The following EVX2 variants were observed in gnomAD, a reference collection of about 807,000 sequenced individuals.
EVX2 encodes even-skipped homeobox 2, also known as homeobox even-skipped homolog protein 2.
Under a neutral mutation model 19.2 loss-of-function variants are expected in EVX2, and 10 were observed. The observed-to-expected ratio is 0.52, with a 90% confidence interval of 0.32 to 0.89. The LOEUF is 0.89. Ranked by LOEUF, EVX2 falls within the 40% of genes least tolerant of loss-of-function variation. The probability of loss-of-function intolerance (pLI) is 0.03; values close to 1 mark genes in which losing one functional copy is unlikely to be tolerated. For missense variants in EVX2, 710 were observed against 694.9 expected (o/e 1.02, Z -0.24); for synonymous variants, 354 against 328.4 (o/e 1.08, Z -0.84).
chr2:176,080,857 C>T lies in EVX2; in HGVS notation c.700-19G>A, dbSNP rs1283877458. ...ACCACACCTGCGGGGAGAGACGCGC[C>T]GCAGCCTGGGTTAGGGAGCGCCCCG... On this transcript the variant is annotated intron_variant, in intron 2 of 2. Transcript: ENST00000308618. The surrounding 1 kb of genome is among the most constrained non-coding windows in gnomAD (Gnocchi z 7.0). 1.9e-6 allele frequency: 3 copies of T among 1,601,152 alleles called. No individual in the cohort carries two copies. The highest frequency in any genetic ancestry group is 4.5e-5 in the East Asian group (2 of 44,738).
rs1689106480 is a variant in EVX2 at position 176,080,046 on chromosome 2, A to C, written c.*61T>G. The C allele has an allele frequency of 6.9e-7, 1 of 1,453,430 alleles. No homozygotes were observed. The highest frequency in any genetic ancestry group is 9.1e-7 in the Non-Finnish European group (1 of 1,100,316). 90.0% of individuals were successfully genotyped at this position (1,453,430 alleles called of 1,614,324 possible). A position where few individuals can be genotyped will look rare whatever the true frequency, so the allele number is the denominator to read the frequency against. The stretch of plus-strand genomic sequence containing the variant: ...AACGCGCGGAGGGCTCAGGGGGCGC[A>C]CAGGGGACTCCCGGGCACACTCAGA... On this transcript the variant is annotated 3_prime_UTR_variant, in exon 3 of 3. Coordinates refer to ENST00000308618, the MANE Select transcript of EVX2 (RefSeq NM_001080458.2). The surrounding 1 kb of genome is among the most constrained non-coding windows in gnomAD (Gnocchi z 7.0).
At position 176,081,149 on chromosome 2, in the gene EVX2, C is replaced by T. The variant is rs1689142823; in HGVS notation, c.700-311G>A. ...CCAATCCAACCTTTCCTCTCCCTCCCGCCACCCACCAGTGCCGGTCTCGCT... is the reference window on the plus strand; with the variant it reads ...CCAATCCAACCTTTCCTCTCCCTCCTGCCACCCACCAGTGCCGGTCTCGCT... On this transcript the variant is annotated intron_variant, in intron 2 of 2. Transcript: ENST00000308618. The surrounding 1 kb of genome is among the most constrained non-coding windows in gnomAD (Gnocchi z 5.9). Among the ~76,000 whole-genome samples, 1 of 152,164 alleles carries T rather than the reference C, an allele frequency of 6.6e-6. No individual in the cohort carries two copies. Among genetic ancestry groups the T allele is most frequent in the South Asian group, 2.1e-4 (1 of 4,830 alleles).
At position 176,083,962 on chromosome 2, in the gene EVX2, T is replaced by G. The variant is rs1227193724; in HGVS notation, c.-186A>C. On this transcript the variant is annotated 5_prime_UTR_variant, in exon 1 of 3. Coordinates refer to ENST00000308618, the MANE Select transcript of EVX2 (RefSeq NM_001080458.2). This position sits in a 1 kb window ranked among gnomAD's most constrained non-coding sequence, Gnocchi z 4.4. ...ACTGGTCAAAATGACCCATACATCC[T>G]TCCGATCCCGAGATGTCATTCATCA... 1.7e-6 allele frequency: 1 copy of G among 592,720 alleles called. No individual in the cohort carries two copies. Among genetic ancestry groups the G allele is most frequent in the African/African-American group, 1.9e-5 (1 of 53,864 alleles). 36.7% of individuals were successfully genotyped at this position (592,720 alleles called of 1,614,324 possible). A position where few individuals can be genotyped will look rare whatever the true frequency, so the allele number is the denominator to read the frequency against.
At position 176,083,582 on chromosome 2, in the gene EVX2, G is replaced by A; in HGVS notation, c.195C>T (p.Leu65=). The change falls in exon 1 of 3, where the codon CTC becomes CTT. Residue 65 remains leucine (L), a synonymous_variant. Coordinates refer to ENST00000308618, the MANE Select transcript of EVX2 (RefSeq NM_001080458.2). This position sits in a 1 kb window ranked among gnomAD's most constrained non-coding sequence, Gnocchi z 4.4. ...SAPLHSALGE[L]PAKGKFEIDT... ...CTATTTCGAATTTGCCCTTGGCGGG[G>A]AGTTCTCCCAGAGCGCTGTGCAGGG... 3.1e-6 allele frequency: 5 copies of A among 1,614,208 alleles called. No homozygotes were observed. Among genetic ancestry groups the A allele is most frequent in the Non-Finnish European group, 4.2e-6 (5 of 1,180,044 alleles).
At position 176,082,842 on chromosome 2, in the gene EVX2, C is replaced by G. The variant is rs1360889694; in HGVS notation, c.428-393G>C. Among the ~76,000 whole-genome samples the G allele has an allele frequency of 6.6e-6, 1 of 152,112 alleles. No homozygotes were observed. The highest frequency in any genetic ancestry group is 1.9e-4 in the East Asian group (1 of 5,174). ...GGGGTTTCAAATATTTTAAGAGTTC[C>G]AACACAGCAGTAGCTCAAACCCAAG... On this transcript the variant is annotated intron_variant, in intron 1 of 2. Transcript: ENST00000308618. The surrounding 1 kb of genome is among the most constrained non-coding windows in gnomAD (Gnocchi z 5.2).
In EVX2 at chr2:176,079,579, A is replaced by G. The variant is rs1343762281; in HGVS notation, c.*528T>C. 6.6e-6 allele frequency: 1 copy of G among 152,660 alleles called. No individual in the cohort carries two copies. The highest frequency in any genetic ancestry group is 6.5e-5 in the Admixed American group (1 of 15,290). 9.5% of individuals were successfully genotyped at this position (152,660 alleles called of 1,614,324 possible). On this transcript the variant is annotated 3_prime_UTR_variant, in exon 3 of 3. Transcript: ENST00000308618. This position sits in a 1 kb window ranked among gnomAD's most constrained non-coding sequence, Gnocchi z 4.4. ...TCCCTAATAAGCTCAGGCTGAAAGAACGTTTGCCACCTCCCCCACCCTCGT... is the reference window on the plus strand; with the variant it reads ...TCCCTAATAAGCTCAGGCTGAAAGAGCGTTTGCCACCTCCCCCACCCTCGT...
chr2:176,079,937 G>T lies in EVX2; in HGVS notation c.*170C>A. The T allele has an allele frequency of 1.6e-6, 1 of 631,278 alleles. No homozygotes were observed. The highest frequency in any genetic ancestry group is 3.9e-5 in the South Asian group (1 of 25,438). The allele number at this position is 631,278 out of a possible 1,614,324, so 39.1% of individuals were successfully genotyped here. A position where few individuals can be genotyped will look rare whatever the true frequency, so the allele number is the denominator to read the frequency against. On this transcript the variant is annotated 3_prime_UTR_variant, in exon 3 of 3. Transcript: ENST00000308618. This position sits in a 1 kb window ranked among gnomAD's most constrained non-coding sequence, Gnocchi z 4.4. ...GGATGCCCGCCAGGCTTTTGCGCCT[G>T]CTCCTTCTCCCCCAATTCGGAGCAG...
At position 176,083,271 on chromosome 2, in the gene EVX2, G is replaced by C. The variant is rs547793385; in HGVS notation, c.427+79C>G. On this transcript the variant is annotated intron_variant, in intron 1 of 2. Coordinates refer to ENST00000308618, the MANE Select transcript of EVX2 (RefSeq NM_001080458.2). This position sits in a 1 kb window ranked among gnomAD's most constrained non-coding sequence, Gnocchi z 4.4. Reference sequence around the variant, plus strand: ...TGTGGAGGGTCTGAGAGGGGAAAAGGCACCGGGAAAGGCTGGCGGGGGCCG... The same window carrying C: ...TGTGGAGGGTCTGAGAGGGGAAAAGCCACCGGGAAAGGCTGGCGGGGGCCG... The C allele has an allele frequency of 7.0e-7, 1 of 1,432,272 alleles. No individual in the cohort carries two copies. Among genetic ancestry groups the C allele is most frequent in the Non-Finnish European group, 9.4e-7 (1 of 1,060,676 alleles). The allele number at this position is 1,432,272 out of a possible 1,614,324, so 88.7% of individuals were successfully genotyped here.
In EVX2 at chr2:176,083,392, C is replaced by G; in HGVS notation, c.385G>C (p.Gly129Arg). 1 of 1,611,300 alleles carries G rather than the reference C, an allele frequency of 6.2e-7. No individual in the cohort carries two copies. The highest frequency in any genetic ancestry group is 2.2e-5 in the East Asian group (1 of 44,738). Reference protein sequence around the residue: ...EVGCSALRSPGGLGAAQLKEN... With the variant: ...EVGCSALRSPRGLGAAQLKEN... ...TTAAGCTGAGCGGCGCCGAGGCCCCCGGGGGAGCGAAGCGCGGAGCAGCCC... is the reference window on the plus strand; with the variant it reads ...TTAAGCTGAGCGGCGCCGAGGCCCCGGGGGGAGCGAAGCGCGGAGCAGCCC... Residue 129 changes from glycine (G) to arginine (R), a missense_variant, in exon 1 of 3, where the codon GGG (glycine) becomes CGG (arginine). Physicochemically the swap from Gly to Arg is moderately radical, Grantham distance 125. Coordinates refer to ENST00000308618, the MANE Select transcript of EVX2 (RefSeq NM_001080458.2). This position sits in a 1 kb window ranked among gnomAD's most constrained non-coding sequence, Gnocchi z 4.4.
Position 176,083,868 on chromosome 2 carries a change from C to T in EVX2, c.-92G>A, listed in dbSNP as rs1689185442. 2.6e-6 allele frequency: 3 copies of T among 1,153,012 alleles called. No individual in the cohort carries two copies. The highest frequency in any genetic ancestry group is 2.2e-5 in the Admixed American group (1 of 45,148). 71.4% of individuals were successfully genotyped at this position (1,153,012 alleles called of 1,614,324 possible). Reference sequence around the variant, plus strand: ...CTAATTCTCATTCAGCCCCAGCGAACGCCTCTAAATATTATTATCGCTTTC... The same window carrying T: ...CTAATTCTCATTCAGCCCCAGCGAATGCCTCTAAATATTATTATCGCTTTC... On this transcript the variant is annotated 5_prime_UTR_variant, in exon 1 of 3. Transcript: ENST00000308618. This position sits in a 1 kb window ranked among gnomAD's most constrained non-coding sequence, Gnocchi z 4.4.
chr2:176,080,523 G>T lies in EVX2; in HGVS notation c.1015C>A (p.Arg339Ser), dbSNP rs1223826861. 2.0e-6 allele frequency: 3 copies of T among 1,480,590 alleles called. No individual in the cohort carries two copies. Among genetic ancestry groups the T allele is most frequent in the African/African-American group, 1.5e-5 (1 of 68,522 alleles). 91.7% of individuals were successfully genotyped at this position (1,480,590 alleles called of 1,614,324 possible). A position where few individuals can be genotyped will look rare whatever the true frequency, so the allele number is the denominator to read the frequency against. ...GGAGCCTGGTAGAGACCAGGGTGGC[G>T]GAAGCTACACAGCAGCTCCGGCCGA... is the stretch of plus-strand genomic sequence containing the variant. ...YSRPELLCSF[R>S]HPGLYQAPAA... is the part of the protein sequence containing the mutation. Residue 339 changes from arginine (R) to serine (S), a missense_variant, in exon 3 of 3, where the codon CGC becomes AGC. Coordinates refer to ENST00000308618, the MANE Select transcript of EVX2 (RefSeq NM_001080458.2). This position sits in a 1 kb window ranked among gnomAD's most constrained non-coding sequence, Gnocchi z 7.0.
chr2:176,080,848 G>A lies in EVX2; in HGVS notation c.700-10C>T. 2 of 1,605,322 alleles carry A rather than the reference G, an allele frequency of 1.2e-6. No homozygotes were observed. The highest frequency in any genetic ancestry group is 2.2e-5 in the South Asian group (2 of 90,032). The stretch of plus-strand genomic sequence containing the variant: ...GGTTCTGGAACCACACCTGCGGGGA[G>A]AGACGCGCCGCAGCCTGGGTTAGGG... On this transcript the variant is annotated splice_polypyrimidine_tract_variant and intron_variant, in intron 2 of 2. Transcript: ENST00000308618. This position sits in a 1 kb window ranked among gnomAD's most constrained non-coding sequence, Gnocchi z 7.0.
In EVX2 at chr2:176,083,642, G is replaced by T. The variant is rs762518774; in HGVS notation, c.135C>A (p.His45Gln). ...GCAGGCGCGGGCTTAGGCGAGCCGG[G>T]TGCTGCGAATTTTCCAGGGCCTCGA... is the stretch of plus-strand genomic sequence containing the variant. Reference protein sequence around the residue: ...AVLEALENSQHPARLSPRLPS... With the variant: ...AVLEALENSQQPARLSPRLPS... The change falls in exon 1 of 3, where the codon CAC (histidine) becomes CAA (glutamine). Residue 45 changes from histidine to glutamine, a missense_variant. Physicochemically the swap from His to Gln is conservative, Grantham distance 24 (BLOSUM62 0). Coordinates refer to ENST00000308618, the MANE Select transcript of EVX2 (RefSeq NM_001080458.2). The surrounding 1 kb of genome is among the most constrained non-coding windows in gnomAD (Gnocchi z 4.4). 1 of 1,614,188 alleles carries T rather than the reference G, an allele frequency of 6.2e-7. No homozygotes were observed.
Position 176,080,041 on chromosome 2 carries a change from G to C in EVX2, c.*66C>G. On this transcript the variant is annotated 3_prime_UTR_variant, in exon 3 of 3. Transcript: ENST00000308618. This position sits in a 1 kb window ranked among gnomAD's most constrained non-coding sequence, Gnocchi z 7.0. ...CGGGCAACGCGCGGAGGGCTCAGGG[G>C]GCGCACAGGGGACTCCCGGGCACAC... The C allele has an allele frequency of 1.4e-6, 2 of 1,421,180 alleles. No individual in the cohort carries two copies. The highest frequency in any genetic ancestry group is 5.4e-5 in the Admixed American group (2 of 36,740). The allele number at this position is 1,421,180 out of a possible 1,614,324, so 88.0% of individuals were successfully genotyped here.
At position 176,080,638 on chromosome 2, in the gene EVX2, T is replaced by TGCAGCC; in HGVS notation, c.894_899dup (p.Ala300_Ala301dup). On this transcript the variant is annotated inframe_insertion, in exon 3 of 3. Transcript: ENST00000308618. The surrounding 1 kb of genome is among the most constrained non-coding windows in gnomAD (Gnocchi z 7.0). Reference sequence around the variant, plus strand: ...AAGCCGCGGCCGCCGCGCCTGAGGCTGCAGCCGCGGCCGCCGCCGCCGTGA... The same window carrying TGCAGCC: ...AAGCCGCGGCCGCCGCGCCTGAGGCTGCAGCCGCAGCCGCGGCCGCCGCCGCCGTGA... The TGCAGCC allele has an allele frequency of 6.4e-7, 1 of 1,552,064 alleles. No individual in the cohort carries two copies. The highest frequency in any genetic ancestry group is 8.6e-7 in the Non-Finnish European group (1 of 1,158,718).
In EVX2 at chr2:176,077,499, G is replaced by T. The variant is rs1689074239; in HGVS notation, c.*2608C>A. ...GATTTAAATAACATTTATTTTACATGACCAAACACAATAAATAACGTAATA... is the reference window on the plus strand; with the variant it reads ...GATTTAAATAACATTTATTTTACATTACCAAACACAATAAATAACGTAATA... On this transcript the variant is annotated 3_prime_UTR_variant, in exon 3 of 3. Transcript: ENST00000308618. 6.6e-6 allele frequency: 1 copy of T among 152,086 alleles called. No individual in the cohort carries two copies. The highest frequency in any genetic ancestry group is 1.5e-5 in the Non-Finnish European group (1 of 68,014). 9.4% of individuals were successfully genotyped at this position (152,086 alleles called of 1,614,324 possible).
chr2:176,080,773 T>G lies in EVX2; in HGVS notation c.765A>C (p.Pro255=). Reference sequence around the variant, plus strand: ...TGTAGGTGTAGAAGCTGGGGTCGGCTGGGTGCGGCCAGGACATGGCCAGGC... The same window carrying G: ...TGTAGGTGTAGAAGCTGGGGTCGGCGGGGTGCGGCCAGGACATGGCCAGGC... The part of the protein sequence containing the change: ...RQRLAMSWPH[P]ADPSFYTYMM... The change falls in exon 3 of 3, where the codon CCA becomes CCC. Residue 255 remains proline, a synonymous_variant. Coordinates refer to ENST00000308618, the MANE Select transcript of EVX2 (RefSeq NM_001080458.2). The surrounding 1 kb of genome is among the most constrained non-coding windows in gnomAD (Gnocchi z 7.0). 6.2e-7 allele frequency: 1 copy of G among 1,611,206 alleles called. No individual in the cohort carries two copies. The highest frequency in any genetic ancestry group is 8.5e-7 in the Non-Finnish European group (1 of 1,179,542).
rs1026357663 is a variant in EVX2 at position 176,080,232 on chromosome 2, C to G, written c.1306G>C (p.Asp436His). Residue 436 changes from aspartate (D) to histidine (H), a missense_variant, in exon 3 of 3, where the codon GAC becomes CAC. Transcript: ENST00000308618. This position sits in a 1 kb window ranked among gnomAD's most constrained non-coding sequence, Gnocchi z 7.0. Reference protein sequence around the residue: ...GGGAGAGGGSDFGCSAAAPRS... With the variant: ...GGGAGAGGGSHFGCSAAAPRS... ...GGCGCCGCCGCGCTGCAGCCGAAGT[C>G]CGAGCCTCCCCCGGCCCCGGCGCCC... is the stretch of plus-strand genomic sequence containing the variant. The G allele has an allele frequency of 4.9e-6, 7 of 1,415,686 alleles. No homozygotes were observed. The African/African-American group carries it at 1.0e-4, about 21-fold the overall frequency. The allele number at this position is 1,415,686 out of a possible 1,614,324, so 87.7% of individuals were successfully genotyped here. A position where few individuals can be genotyped will look rare whatever the true frequency, so the allele number is the denominator to read the frequency against.
In EVX2 at chr2:176,079,913, G is replaced by A. The variant is rs759129244; in HGVS notation, c.*194C>T. On this transcript the variant is annotated 3_prime_UTR_variant, in exon 3 of 3. Transcript: ENST00000308618. This position sits in a 1 kb window ranked among gnomAD's most constrained non-coding sequence, Gnocchi z 4.4. Reference sequence around the variant, plus strand: ...TACAAAAATAGAAATAATTTAGGGGGATGCCCGCCAGGCTTTTGCGCCTGC... The same window carrying A: ...TACAAAAATAGAAATAATTTAGGGGAATGCCCGCCAGGCTTTTGCGCCTGC... 1.8e-5 allele frequency: 9 copies of A among 492,954 alleles called. No individual in the cohort carries two copies. Among genetic ancestry groups the A allele is most frequent in the Non-Finnish European group, 6.6e-6 (2 of 301,226 alleles). The allele number at this position is 492,954 out of a possible 1,614,324, so 30.5% of individuals were successfully genotyped here. A position where few individuals can be genotyped will look rare whatever the true frequency, so the allele number is the denominator to read the frequency against.
Sources: gnomAD v4.1 joint callset for allele counts (sites outside exome capture counted in the v4.1 genomes callset) on GRCh38, gnomAD v4.1.1 for gene constraint, Gnocchi (gnomAD v3.1) non-coding constraint, MANE v1.5 for transcripts, NCBI Gene and HGNC (gene_info 2026-07-23, HGNC 2026-07-21) for gene names.